The following KCNIP3 variants were observed in gnomAD, a reference collection of about 807,000 sequenced individuals.
KCNIP3 encodes potassium voltage-gated channel interacting protein 3, also known as calsenilin.
In KCNIP3, 28 loss-of-function variants were observed where a neutral mutation model predicts 35.0. The ratio of observed to expected loss-of-function variants is 0.80; its 90% confidence interval spans 0.59 to 1.10. The LOEUF (loss-of-function observed/expected upper bound fraction) is 1.10, where lower values mean the gene tolerates loss of function less well. KCNIP3 is among the 50% of genes least tolerant of loss of function. The pLI, the probability that KCNIP3 is intolerant of heterozygous loss-of-function variation, is 0.00. For synonymous variants in KCNIP3, 134 were observed against 133.8 expected (o/e 1.00, Z -0.01); for missense variants, 295 against 338.4 (o/e 0.87, Z 1.01).
chr2:95,362,266 C>G (rs1158141139), intron 2 of KCNIP3, among the ~76,000 whole-genome samples: 2 of 152,062 alleles, frequency 1.3e-5, no homozygotes, highest in African/African-American at 2.4e-5. Flanking sequence ...ACCACTATGC[C>G]CGGCTAATTT....
At chr2:95,343,323 A>AATGG (rs1322452823) in intron 2 of KCNIP3, among the ~76,000 whole-genome samples, 1 of 152,158 alleles carries the variant, frequency 6.6e-6, no homozygotes, top group Non-Finnish European at 1.5e-5. Flanking sequence ...TGAGAGTGTG[A>AATGG]AATTCCATTC....
At chr2:95,319,812 G>A (rs1238478063) in intron 2 of KCNIP3, among the ~76,000 whole-genome samples, 6 of 152,192 alleles carry the variant, frequency 3.9e-5, no homozygotes, top group Admixed American at 6.5e-5. Context: ...CCTCCGCTGC[G>A]CCGTCTGTCT....
At chr2:95,374,553 G>C (rs1258554192) in intron 3 of KCNIP3, 133 bp downstream of exon 3, 4 of 1,182,968 alleles carry the variant, frequency 3.4e-6, no homozygotes, top group Non-Finnish European at 4.7e-6. Context: ...GCTGTGTGGC[G>C]GGGGCAGGCT....
intron 2 of KCNIP3, among the ~76,000 whole-genome samples, chr2:95,344,856 G>A (rs1679309079): frequency 6.6e-6 from 1 of 152,240 alleles, no homozygotes; most frequent in Non-Finnish European, 1.5e-5. Context: ...GAGGCTTAGA[G>A]GGGTTATGTA....
chr2:95,300,538 C>T (rs1286976075), intron 1 of KCNIP3, among the ~76,000 whole-genome samples: 4 of 152,238 alleles, frequency 2.6e-5, no homozygotes, highest in African/African-American at 9.6e-5. Flanking sequence ...GTCTTTCTGG[C>T]CTAGTGCCCA....
At chr2:95,342,136 G>T in intron 2 of KCNIP3, among the ~76,000 whole-genome samples, 1 of 152,198 alleles carries the variant, frequency 6.6e-6, no homozygotes, top group East Asian at 1.9e-4. Flanking sequence ...GCTCATTCTG[G>T]TAGCTGCGAG....
chr2:95,325,614 T>TACAC (rs548674014), intron 2 of KCNIP3, among the ~76,000 whole-genome samples: 11 of 149,488 alleles, frequency 7.4e-5, no homozygotes, highest in African/African-American at 2.7e-4. Flanking sequence ...CATACACACG[T>TACAC]ACACACACAC....
At chr2:95,383,759 C>T (rs980335154) in intron 8 of KCNIP3, among the ~76,000 whole-genome samples, 3 of 152,322 alleles carry the variant, frequency 2.0e-5, no homozygotes, top group African/African-American at 7.2e-5. Flanking sequence ...GCCGGGATCG[C>T]CTTCATCAGC....
chr2:95,335,982 C>A (rs1679050972), intron 2 of KCNIP3, among the ~76,000 whole-genome samples: 2 of 152,094 alleles, frequency 1.3e-5, no homozygotes, highest in Admixed American at 1.3e-4. Context: ...CCTTTTTGTT[C>A]CTCTGTTCCT....
Position 95,384,358 on chromosome 2 carries a change from C to T in KCNIP3, c.*309C>T. 2.4e-6 allele frequency: 1 copy of T among 417,062 alleles called. No homozygotes were observed. Among genetic ancestry groups the T allele is most frequent in the Non-Finnish European group, 4.4e-6 (1 of 229,870 alleles). 25.8% of individuals were successfully genotyped at this position (417,062 alleles called of 1,614,324 possible). On this transcript the variant is annotated 3_prime_UTR_variant, in exon 9 of 9. Coordinates refer to ENST00000295225, the MANE Select transcript of KCNIP3 (RefSeq NM_013434.5). ...GCTGACAGAGCAGGTCTGCAGGCCA[C>T]CAGCTGCTGGATGTCACCAAGAAGG...
At chr2:95,346,189 G>T (rs1252494483) in intron 2 of KCNIP3, among the ~76,000 whole-genome samples, 7 of 152,192 alleles carry the variant, frequency 4.6e-5, no homozygotes, top group Non-Finnish European at 7.3e-5. Flanking sequence ...GGGGTTGCGG[G>T]AAATGCGCCG....
chr2:95,326,056 C>T (rs1169366550), intron 2 of KCNIP3, among the ~76,000 whole-genome samples: 2 of 151,482 alleles, frequency 1.3e-5, no homozygotes, highest in African/African-American at 4.9e-5. Context: ...TACACACACA[C>T]ATACACATTC....
chr2:95,326,370 ACACT>A (rs765806955), intron 2 of KCNIP3, among the ~76,000 whole-genome samples: 12 of 151,956 alleles, frequency 7.9e-5, no homozygotes, highest in Non-Finnish European at 1.3e-4. Flanking sequence ...ACCCCAGTAC[ACACT>A]CACACTCACA....
chr2:95,371,398 A>C (rs560161196), intron 2 of KCNIP3, among the ~76,000 whole-genome samples: 16 of 152,324 alleles, frequency 1.1e-4, no homozygotes, highest in South Asian at 6.2e-4. Context: ...AGATTTTCTA[A>C]ATATCTTGTC....
chr2:95,304,962 T>C (rs1678134172), intron 1 of KCNIP3, among the ~76,000 whole-genome samples: 1 of 152,144 alleles, frequency 6.6e-6, no homozygotes, highest in Non-Finnish European at 1.5e-5. Flanking sequence ...CAGGGAAACT[T>C]GTGACCTTTG....
chr2:95,334,958 A>T (rs1340506386), intron 2 of KCNIP3, among the ~76,000 whole-genome samples: 1 of 152,236 alleles, frequency 6.6e-6, no homozygotes, highest in African/African-American at 2.4e-5. Flanking sequence ...AAAGGAGAAT[A>T]TTCCCAGAGC....
chr2:95,300,788 C>T (rs374841946), intron 1 of KCNIP3, among the ~76,000 whole-genome samples: 2 of 152,230 alleles, frequency 1.3e-5, no homozygotes, highest in Non-Finnish European at 2.9e-5. Context: ...GGGAGGGCAG[C>T]GTGGGGGTGG....
chr2:95,325,673 A>T (rs1254297521), intron 2 of KCNIP3, among the ~76,000 whole-genome samples: 1 of 147,596 alleles, frequency 6.8e-6, no homozygotes, highest in Non-Finnish European at 1.5e-5. Flanking sequence ...ACTCATACAC[A>T]TACACACTCA....
intron 3 of KCNIP3, 33 bp from the exon 4 acceptor site, chr2:95,374,815 G>A: frequency 6.2e-7 from 1 of 1,608,934 alleles, no homozygotes; most frequent in African/African-American, 1.3e-5. Context: ...GCTGGGGGTG[G>A]CCGAGGGCTG....
Sources: allele counts gnomAD v4.1 joint callset (sites outside exome capture counted in the v4.1 genomes callset), GRCh38; gene constraint gnomAD v4.1.1; transcripts MANE v1.5; gene names NCBI Gene and HGNC (gene_info 2026-07-23, HGNC 2026-07-21).